The following INPP5K variants were observed in gnomAD, a reference collection of about 807,000 sequenced individuals.
INPP5K encodes inositol polyphosphate-5-phosphatase K, also known as inositol polyphosphate 5-phosphatase K.
In INPP5K, 35 loss-of-function variants were observed where a neutral mutation model predicts 53.5. That is an observed-to-expected ratio of 0.65 (90% CI 0.50 to 0.87). INPP5K has a LOEUF of 0.87. INPP5K is among the 40% of genes least tolerant of loss of function. The pLI is 0.00. For missense variants in INPP5K, 550 were observed against 586.2 expected, an observed-to-expected ratio of 0.94 and a Z score of 0.64; for synonymous variants, 253 against 232.8, an observed-to-expected ratio of 1.09 and a Z score of -0.79.
At position 1,509,776 on chromosome 17, in the gene INPP5K, C is replaced by G. The variant is rs752690819; in HGVS notation, c.285G>C (p.Gly95=). The G allele has an allele frequency of 5.6e-6, 9 of 1,612,838 alleles. No individual in the cohort carries two copies. In the South Asian group the frequency reaches 9.9e-5, roughly 18 times the overall value. Residue 95 remains glycine (G), a synonymous_variant, in exon 4 of 12, where the codon GGG becomes GGC. Transcript: ENST00000421807. ...ACTTGGCAAAGACCAGTAAGAGGAT[C>G]CCCTGCATACGGACATGGGAGACCT... ...FIKVSHVRMQ[G]ILLLVFAKYQ...
At chr17:1,511,677 A>G (rs146279348) in intron 3 of INPP5K, among the ~76,000 whole-genome samples, 1,668 of 152,194 alleles carry the variant, frequency 0.011, 14 homozygotes, top group Non-Finnish European at 0.017. Context: ...ACCCAAGCAC[A>G]CGTGCCAACA....
At chr17:1,503,356 T>C (rs1205023374) in intron 7 of INPP5K, among the ~76,000 whole-genome samples, 1 of 151,942 alleles carries the variant, frequency 6.6e-6, no homozygotes, top group Non-Finnish European at 1.5e-5. Flanking sequence ...GCTAATTTTT[T>C]TTTATTTTTA....
chr17:1,496,965 C>T (rs1031302626), intron 8 of INPP5K, among the ~76,000 whole-genome samples, 162 bp from the exon 9 acceptor site: 1 of 152,230 alleles, frequency 6.6e-6, no homozygotes, highest in Admixed American at 6.5e-5. Context: ...CCTTGGCTGG[C>T]CATCAGGAAA....
At position 1,508,147 on chromosome 17, in the gene INPP5K, G is replaced by T; in HGVS notation, c.634C>A (p.Arg212=). The T allele has an allele frequency of 6.2e-7, 1 of 1,614,002 alleles. No homozygotes were observed. The highest frequency in any genetic ancestry group is 1.3e-5 in the African/African-American group (1 of 75,016). The change falls in exon 6 of 12, where the codon CGG becomes AGG. Residue 212 remains arginine (R), a synonymous_variant. Coordinates refer to ENST00000421807, the MANE Select transcript of INPP5K (RefSeq NM_016532.4). ...TTCTCCCACAGGCCACCGTAGCACC[G>T]ATTTTTAATGGATTCCCGAACAAAG... is the stretch of plus-strand genomic sequence containing the variant. ...LHFVRESIKN[R]CYGGLWEKDQ...
chr17:1,509,934 G>C (rs1255595060), intron 3 of INPP5K, 135 bp from the exon 4 acceptor site: 6 of 596,410 alleles, frequency 1.0e-5, no homozygotes, highest in Non-Finnish European at 1.8e-5. Flanking sequence ...CGATATCCCA[G>C]TTTGAATCTC....
rs2075369558 is a variant in INPP5K at position 1,513,892 on chromosome 17, A to G, written c.132T>C (p.Asn44=). Residue 44 remains asparagine, a synonymous_variant, in exon 2 of 12, where the codon AAT becomes AAC. Coordinates refer to ENST00000421807, the MANE Select transcript of INPP5K (RefSeq NM_016532.4). Reference sequence around the variant, plus strand: ...CCTACCCAATAACATATATGTCAAGATTGAGGTTCCGGTTGTTCAGCTGAA... The same window carrying G: ...CCTACCCAATAACATATATGTCAAGGTTGAGGTTCCGGTTGTTCAGCTGAA... ...DLLQLNNRNL[N]LDIYVIGLQE... is the part of the protein sequence containing the mutation. 6.2e-7 allele frequency: 1 copy of G among 1,613,032 alleles called. No homozygotes were observed. Among genetic ancestry groups the G allele is most frequent in the Non-Finnish European group, 8.5e-7 (1 of 1,179,244 alleles).
In INPP5K at chr17:1,494,859, G is replaced by C. The variant is rs1472767344; in HGVS notation, c.*964C>G. 1.3e-5 allele frequency: 2 copies of C among 152,232 alleles called. No homozygotes were observed. The highest frequency in any genetic ancestry group is 4.8e-5 in the African/African-American group (2 of 41,454). The allele number at this position is 152,232 out of a possible 1,614,324, so 9.4% of individuals were successfully genotyped here. On this transcript the variant is annotated 3_prime_UTR_variant, in exon 12 of 12. Coordinates refer to ENST00000421807, the MANE Select transcript of INPP5K (RefSeq NM_016532.4). ...AGGCCATGTCCCCAAAGCCCCTAGA[G>C]GGTGTTCTCTGAAGAACCCCAGGGC...
At chr17:1,508,353 G>A (rs1359145501) in intron 5 of INPP5K, 127 bp from the exon 6 acceptor site, 7 of 731,540 alleles carry the variant, frequency 9.6e-6, no homozygotes, top group Admixed American at 5.9e-5. Context: ...CAAGTGAGAC[G>A]CCAGGGCACG....
chr17:1,494,832 A>G lies in INPP5K; in HGVS notation c.*991T>C, dbSNP rs1221867521. On this transcript the variant is annotated 3_prime_UTR_variant, in exon 12 of 12. Transcript: ENST00000421807. ...GCGGAGGCAAGTGCTGGATGTGGGG[A>G]CAGGCCATGTCCCCAAAGCCCCTAG... 3 of 152,234 alleles carry G rather than the reference A, an allele frequency of 2.0e-5. No individual in the cohort carries two copies. Among genetic ancestry groups the G allele is most frequent in the Non-Finnish European group, 2.9e-5 (2 of 68,114 alleles). 9.4% of individuals were successfully genotyped at this position (152,234 alleles called of 1,614,324 possible).
chr17:1,504,465 T>C (rs1018725773), intron 7 of INPP5K, among the ~76,000 whole-genome samples: 1 of 152,222 alleles, frequency 6.6e-6, no homozygotes. Flanking sequence ...CCCTGGATCC[T>C]GGCCCCAGCC....
chr17:1,508,619 AG>A, intron 5 of INPP5K: 1 of 306,270 alleles, frequency 3.3e-6, no homozygotes, highest in Non-Finnish European at 6.3e-6. Context: ...AGGCAAAGCA[AG>A]GGGAGACAGC....
intron 7 of INPP5K, among the ~76,000 whole-genome samples, chr17:1,505,689 G>C (rs1018388414): frequency 3.9e-5 from 6 of 152,134 alleles, no homozygotes; most frequent in Non-Finnish European, 7.3e-5. Flanking sequence ...CCAGAACCAA[G>C]CTTGAGTTCT....
At chr17:1,512,676 C>T (rs1394467319) in intron 3 of INPP5K, among the ~76,000 whole-genome samples, 1 of 152,070 alleles carries the variant, frequency 6.6e-6, no homozygotes, top group Non-Finnish European at 1.5e-5. Context: ...CCAGGGCCTT[C>T]CTGTGGACTC....
At chr17:1,499,321 ACT>A (rs972821675) in intron 7 of INPP5K, among the ~76,000 whole-genome samples, 13 of 151,658 alleles carry the variant, frequency 8.6e-5, no homozygotes, top group African/African-American at 2.7e-4. Context: ...GACCATCCTG[ACT>A]CTCTACTAAA....
chr17:1,508,271 G>T (rs760494361), intron 5 of INPP5K, 45 bp from the exon 6 acceptor site: 1 of 1,462,998 alleles, frequency 6.8e-7, no homozygotes. Flanking sequence ...TGATGAAGTC[G>T]GGGAAGGGAG....
intron 9 of INPP5K, 97 bp downstream of exon 9, chr17:1,496,569 G>C: frequency 6.6e-7 from 1 of 1,505,970 alleles, no homozygotes; most frequent in East Asian, 2.3e-5. Context: ...GGTGGATGAG[G>C]GTGAGTTCGT....
intron 1 of INPP5K, among the ~76,000 whole-genome samples, chr17:1,514,350 G>A (rs542912149): frequency 6.6e-5 from 10 of 152,112 alleles, no homozygotes; most frequent in Admixed American, 1.3e-4. Flanking sequence ...GATAGTGCAC[G>A]GGGTCTAGGC....
intron 7 of INPP5K, among the ~76,000 whole-genome samples, chr17:1,501,961 G>C (rs916846862): frequency 6.6e-6 from 1 of 151,750 alleles, no homozygotes; most frequent in Non-Finnish European, 1.5e-5. Context: ...CTTGAACCTG[G>C]GAAGCGGAGG....
chr17:1,500,349 T>C (rs924364591), intron 7 of INPP5K, among the ~76,000 whole-genome samples: 2 of 151,710 alleles, frequency 1.3e-5, no homozygotes, highest in Non-Finnish European at 2.9e-5. Context: ...TCCCAGACAT[T>C]AGCTTTTTGC....
Sources: gnomAD v4.1 joint callset for allele counts (sites outside exome capture counted in the v4.1 genomes callset) on GRCh38, gnomAD v4.1.1 for gene constraint, MANE v1.5 for transcripts, NCBI Gene and HGNC (gene_info 2026-07-23, HGNC 2026-07-21) for gene names.